Variants in DNAH11 observed in about 807,000 individuals in gnomAD.
DNAH11 encodes the protein dynein axonemal heavy chain 11.
In DNAH11, 442 loss-of-function variants were observed where a neutral mutation model predicts 526.0. That is an observed-to-expected ratio of 0.84 (90% CI 0.78 to 0.91). The LOEUF (loss-of-function observed/expected upper bound fraction) is 0.91, where lower values mean the gene tolerates loss of function less well. Ranked by LOEUF, DNAH11 falls within the 40% of genes least tolerant of loss-of-function variation. The probability of loss-of-function intolerance (pLI) is 0.00; values close to 1 mark genes in which losing one functional copy is unlikely to be tolerated. For missense variants in DNAH11, 6,989 were observed against 5,448.7 expected (o/e 1.28, Z -8.90); for synonymous variants, 2,461 against 1,935.9 (o/e 1.27, Z -7.12).
intron 9 of DNAH11, among the ~76,000 whole-genome samples, chr7:21,586,109 T>C (rs1237188420): frequency 1.3e-5 from 2 of 152,230 alleles, no homozygotes; most frequent in African/African-American, 4.8e-5. Flanking sequence ...TTTTTGGCTT[T>C]ACAACCTCGC....
At chr7:21,815,870 G>T (rs1789764085) in intron 63 of DNAH11, among the ~76,000 whole-genome samples, 1 of 150,254 alleles carries the variant, frequency 6.7e-6, no homozygotes. Context: ...CTCCTCGATT[G>T]CCCCTCCCCA....
In DNAH11 at chr7:21,881,235, C is replaced by T. The variant is rs903916573; in HGVS notation, c.12387+342C>T. ...TGAAGCATTTGCACAAATGTAATTA[C>T]ATACAGCAATTCTGACAGTTCATAA... On this transcript the variant is annotated intron_variant, in intron 75 of 81. Transcript: ENST00000409508. Among the ~76,000 whole-genome samples the T allele has an allele frequency of 1.1e-4, 16 of 152,324 alleles. No individual in the cohort carries two copies. In the South Asian group the frequency reaches 1.9e-3, roughly 18 times the overall value.
At chr7:21,570,974 T>G (rs1014467890) in intron 7 of DNAH11, among the ~76,000 whole-genome samples, 1 of 152,226 alleles carries the variant, frequency 6.6e-6, no homozygotes, top group Non-Finnish European at 1.5e-5. Flanking sequence ...TGATAAAGGT[T>G]TGTTTTATTC....
chr7:21,635,876 G>C lies in DNAH11; in HGVS notation c.4506G>C (p.Gln1502His), dbSNP rs1786839129. 1.2e-6 allele frequency: 2 copies of C among 1,608,288 alleles called. No homozygotes were observed. Among genetic ancestry groups the C allele is most frequent in the Non-Finnish European group, 1.7e-6 (2 of 1,177,012 alleles). The change falls in exon 26 of 82, where the codon CAG becomes CAC. Residue 1502 changes from glutamine (Q) to histidine (H), a missense_variant. Physicochemically the swap from Gln to His is conservative, Grantham distance 24. Transcript: ENST00000409508. ...ATTCTTTGCCTTTATTTTAGGTTCA[G>C]TTGCAGACTCTTCTTCAAAGCAAGT... ...LFETLEHNQV[Q>H]LQTLLQSKYV...
intron 65 of DNAH11, among the ~76,000 whole-genome samples, chr7:21,827,216 T>A (rs1790339448): frequency 6.6e-6 from 1 of 152,184 alleles, no homozygotes; most frequent in Non-Finnish European, 1.5e-5. Flanking sequence ...TACAAATAAT[T>A]AAATCCACCA....
At chr7:21,849,774 A>G (rs184247237) in intron 66 of DNAH11, among the ~76,000 whole-genome samples, 1 of 152,204 alleles carries the variant, frequency 6.6e-6, no homozygotes, top group Admixed American at 6.5e-5. Flanking sequence ...CGGTTTGAAT[A>G]TGCAATGACT....
intron 30 of DNAH11, among the ~76,000 whole-genome samples, chr7:21,680,579 C>G (rs1194140377): frequency 2.0e-5 from 3 of 152,178 alleles, no homozygotes; most frequent in Non-Finnish European, 4.4e-5. Flanking sequence ...CAGCATGAAA[C>G]AATACATTCT....
At chr7:21,621,841 G>A (rs1029616178) in intron 25 of DNAH11, among the ~76,000 whole-genome samples, 4 of 152,062 alleles carry the variant, frequency 2.6e-5, no homozygotes, top group African/African-American at 9.7e-5. Context: ...AGCTATCTAT[G>A]ACAAACCCAC....
intron 45 of DNAH11, among the ~76,000 whole-genome samples, chr7:21,733,516 A>G (rs1785475503): frequency 6.6e-6 from 1 of 151,196 alleles, no homozygotes; most frequent in Admixed American, 6.6e-5. Flanking sequence ...AGTATGATCT[A>G]GCTGGTTGAA....
rs547507419 is a variant in DNAH11 at position 21,748,976 on chromosome 7, G to C, written c.8673+234G>C. Among the ~76,000 whole-genome samples the C allele has an allele frequency of 4.6e-5, 7 of 152,218 alleles. No homozygotes were observed. In the East Asian group the frequency reaches 9.7e-4, roughly 21 times the overall value. ...TGTAGGTTTAATAACATGTAAACCTGGCTCAGAAAATATTTACTTAAACAC... is the reference window on the plus strand; with the variant it reads ...TGTAGGTTTAATAACATGTAAACCTCGCTCAGAAAATATTTACTTAAACAC... On this transcript the variant is annotated intron_variant, in intron 52 of 81. Coordinates refer to ENST00000409508, the MANE Select transcript of DNAH11 (RefSeq NM_001277115.2).
intron 9 of DNAH11, among the ~76,000 whole-genome samples, chr7:21,583,295 C>T (rs1331912093): frequency 6.6e-6 from 1 of 152,098 alleles, no homozygotes; most frequent in East Asian, 1.9e-4. Context: ...ACATCTACAA[C>T]CATGTGATCT....
chr7:21,632,049 T>C (rs115888547), intron 25 of DNAH11, among the ~76,000 whole-genome samples: 2 of 152,326 alleles, frequency 1.3e-5, no homozygotes, highest in South Asian at 4.1e-4. Context: ...TTCTTGACTT[T>C]TGTGCACTGG....
intron 2 of DNAH11, among the ~76,000 whole-genome samples, chr7:21,555,847 C>T (rs555398509): frequency 9.9e-5 from 15 of 152,264 alleles, no homozygotes; most frequent in African/African-American, 3.4e-4. Context: ...CGACTGGAGT[C>T]CTTCTCTGCA....
intron 2 of DNAH11, among the ~76,000 whole-genome samples, chr7:21,556,529 A>AT (rs1304529659): frequency 6.6e-6 from 1 of 151,988 alleles, no homozygotes; most frequent in African/African-American, 2.4e-5. Flanking sequence ...TTTCTTTCCA[A>AT]TTTTTATCTT....
chr7:21,647,683 A>C (rs138914048), intron 28 of DNAH11, among the ~76,000 whole-genome samples: 4,827 of 152,066 alleles, frequency 0.032, 180 homozygotes, highest in East Asian at 0.14. Context: ...TGCCTGCCTC[A>C]GCCTCCCAAA....
Position 21,779,532 on chromosome 7 carries a change from G to A in DNAH11, c.9483+428G>A, listed in dbSNP as rs146371770. ...AATTTTGCATTTTAATAATACAACT[G>A]GAGTTTATTATTAAGTCCTAAGCTA... On this transcript the variant is annotated intron_variant, in intron 57 of 81. Transcript: ENST00000409508. 5.1e-4 allele frequency among the ~76,000 whole-genome samples: 78 copies of A among 152,224 alleles called. No individual in the cohort carries two copies. In the East Asian group the frequency reaches 0.014, roughly 27 times the overall value.
intron 41 of DNAH11, among the ~76,000 whole-genome samples, chr7:21,711,351 C>G (rs763291): frequency 0.025 from 3,764 of 152,254 alleles, 59 homozygotes; most frequent in Non-Finnish European, 0.039. Context: ...GATCTTTATA[C>G]TTGTGTAAGT....
intron 57 of DNAH11, among the ~76,000 whole-genome samples, chr7:21,783,857 G>A (rs369424410): frequency 1.4e-4 from 21 of 152,236 alleles, no homozygotes; most frequent in East Asian, 3.9e-4. Flanking sequence ...TATCATGTCC[G>A]TGGAGAAACC....
At chr7:21,618,637 A>G (rs532566284) in intron 23 of DNAH11, among the ~76,000 whole-genome samples, 37 of 152,232 alleles carry the variant, frequency 2.4e-4, no homozygotes, top group Admixed American at 1.2e-3. Context: ...TTTTTTGCCA[A>G]TGAACTGAGA....
Sources: gnomAD v4.1 joint callset for allele counts (sites outside exome capture counted in the v4.1 genomes callset) on GRCh38, gnomAD v4.1.1 for gene constraint, MANE v1.5 for transcripts, NCBI Gene and HGNC (gene_info 2026-07-23, HGNC 2026-07-21) for gene names.